Variants in PCDHA3 observed in about 807,000 individuals in gnomAD.
PCDHA3 encodes the protein protocadherin alpha-3.
In PCDHA3, 41 loss-of-function variants were observed where a neutral mutation model predicts 62.2. The observed-to-expected ratio is 0.66, with a 90% CI of 0.51 to 0.86. The LOEUF (loss-of-function observed/expected upper bound fraction) is 0.86. Ranked by LOEUF, PCDHA3 falls within the 40% of genes least tolerant of loss-of-function variation. The probability of loss-of-function intolerance (pLI) is 0.00; values close to 1 mark genes in which losing one functional copy is unlikely to be tolerated. For synonymous variants in PCDHA3, 640 were observed against 555.4 expected (o/e 1.15, Z -2.14); for missense variants, 1,304 against 1,241.2 (o/e 1.05, Z -0.76).
chr5:140,871,487 C>A, intron 1 of PCDHA3: 1 of 1,591,808 alleles, frequency 6.3e-7, no homozygotes, highest in South Asian at 1.1e-5. Flanking sequence ...TCAAATCACC[C>A]CGGACAGGTG....
chr5:140,823,587 T>G (rs2150127210), intron 1 of PCDHA3: 9 of 1,613,996 alleles, frequency 5.6e-6, no homozygotes, highest in East Asian at 2.2e-5. Context: ...GCTACAACGC[T>G]TGGCTTTCGT....
At chr5:140,967,894 G>A (rs1586251835) in intron 1 of PCDHA3, 5 of 1,614,192 alleles carry the variant, frequency 3.1e-6, no homozygotes, top group Non-Finnish European at 3.4e-6. Context: ...CAGTGCCTGA[G>A]AATGCTACAC....
intron 1 of PCDHA3, among the ~76,000 whole-genome samples, chr5:140,918,586 G>A (rs2078766446): frequency 6.6e-6 from 1 of 152,188 alleles, no homozygotes; most frequent in South Asian, 2.1e-4. Context: ...TTGGCTATAT[G>A]TTCTATAGAT....
intron 1 of PCDHA3, chr5:140,867,112 T>C (rs1446733026): frequency 6.6e-6 from 1 of 152,146 alleles, no homozygotes; most frequent in Non-Finnish European, 1.5e-5. Flanking sequence ...AATTAACATA[T>C]TGTTTTAATT....
intron 3 of PCDHA3, among the ~76,000 whole-genome samples, chr5:140,989,192 C>A (rs1458235302): frequency 6.6e-6 from 1 of 152,192 alleles, no homozygotes; most frequent in African/African-American, 2.4e-5. Context: ...GAATTACCCT[C>A]CCTTCTAGCT....
At chr5:140,952,349 A>T (rs1554220373) in intron 1 of PCDHA3, among the ~76,000 whole-genome samples, 2 of 152,000 alleles carry the variant, frequency 1.3e-5, no homozygotes, top group African/African-American at 4.8e-5. Flanking sequence ...AAAAAAAAAA[A>T]AAAAAGAAAG....
intron 1 of PCDHA3, chr5:140,842,322 G>T (rs1349163820): frequency 6.2e-7 from 1 of 1,607,612 alleles, no homozygotes. Flanking sequence ...GCGGGTCATT[G>T]CACCGTTTTA....
At chr5:140,805,891 A>C (rs1763646842) in intron 1 of PCDHA3, among the ~76,000 whole-genome samples, 1 of 152,340 alleles carries the variant, frequency 6.6e-6, no homozygotes, top group Non-Finnish European at 1.5e-5. Flanking sequence ...GAAGGAAGCA[A>C]ACATTTTCTG....
At chr5:140,982,025 C>A (rs1191670248) in intron 2 of PCDHA3, among the ~76,000 whole-genome samples, 1 of 152,180 alleles carries the variant, frequency 6.6e-6, no homozygotes, top group Non-Finnish European at 1.5e-5. Flanking sequence ...CAAATTGGAA[C>A]AATACTCCAA....
intron 1 of PCDHA3, chr5:140,966,800 G>A: frequency 6.5e-7 from 1 of 1,540,654 alleles, no homozygotes; most frequent in Non-Finnish European, 8.7e-7. Context: ...TGCGGCGACA[G>A]AGCATCCACG....
At chr5:141,006,813 T>C (rs1171771789) in intron 3 of PCDHA3, among the ~76,000 whole-genome samples, 1 of 152,018 alleles carries the variant, frequency 6.6e-6, no homozygotes, top group African/African-American at 2.4e-5. Flanking sequence ...GCTTGAGAAA[T>C]GGGGTAAATG....
chr5:140,906,585 C>T (rs782305409), intron 1 of PCDHA3, among the ~76,000 whole-genome samples: 1 of 152,208 alleles, frequency 6.6e-6, no homozygotes, highest in Non-Finnish European at 1.5e-5. Context: ...TTGATGACTA[C>T]CTTCCTCTAC....
At chr5:140,829,825 C>A in intron 1 of PCDHA3, 1 of 1,613,864 alleles carries the variant, frequency 6.2e-7, no homozygotes, top group African/African-American at 1.3e-5. Context: ...GTGCAGTGAG[C>A]GAGCTGGTGC....
chr5:140,846,985 C>T (rs138755205), intron 1 of PCDHA3, among the ~76,000 whole-genome samples: 9 of 149,188 alleles, frequency 6.0e-5, no homozygotes, highest in African/African-American at 1.5e-4. Context: ...AAGTAAGTTC[C>T]CCCCGGGAGA....
chr5:140,837,513 T>A (rs1414175460), intron 1 of PCDHA3, among the ~76,000 whole-genome samples: 2 of 96,810 alleles, frequency 2.1e-5, no homozygotes, highest in Admixed American at 9.8e-5. Flanking sequence ...CTGAAGCAGT[T>A]TACTTTTTTT....
intron 1 of PCDHA3, among the ~76,000 whole-genome samples, chr5:140,936,899 A>G (rs2091202352): frequency 6.6e-6 from 1 of 152,188 alleles, no homozygotes; most frequent in South Asian, 2.1e-4. Context: ...AATTGGCACT[A>G]TATTGAATCT....
At chr5:140,968,757 A>T in intron 1 of PCDHA3, 1 of 1,614,204 alleles carries the variant, frequency 6.2e-7, no homozygotes, top group Non-Finnish European at 8.5e-7. Context: ...GTGGTCCGAG[A>T]TAATGGAGAG....
At chr5:140,968,659 C>A (rs781863651) in intron 1 of PCDHA3, 6 of 1,614,160 alleles carry the variant, frequency 3.7e-6, no homozygotes, top group East Asian at 2.2e-5. Context: ...CTGACCTGGA[C>A]CTCTTTAAGG....
chr5:140,885,525 A>G (rs1206570848), intron 1 of PCDHA3, among the ~76,000 whole-genome samples: 4 of 152,128 alleles, frequency 2.6e-5, no homozygotes, highest in Admixed American at 6.6e-5. Flanking sequence ...ATCATTTCAT[A>G]TATTTCCCAA....
Sources: allele counts gnomAD v4.1 joint callset (sites outside exome capture counted in the v4.1 genomes callset), GRCh38; gene constraint gnomAD v4.1.1; transcripts MANE v1.5; gene names NCBI Gene and HGNC (gene_info 2026-07-23, HGNC 2026-07-21).